MAN1A1: variants seen among roughly 807,000 people sequenced by gnomAD.
The protein encoded by MAN1A1 is mannosidase alpha class 1A member 1, also known as mannosyl-oligosaccharide 1,2-alpha-mannosidase IA.
MAN1A1 carries 29 observed loss-of-function variants against 70.8 expected under a neutral mutation model. That is an observed-to-expected ratio of 0.41 (90% CI 0.31 to 0.56). The LOEUF (loss-of-function observed/expected upper bound fraction) is 0.56. MAN1A1 is among the 20% of genes least tolerant of loss of function. MAN1A1 has a pLI of 0.29. For synonymous variants in MAN1A1, 349 were observed against 330.1 expected (o/e 1.06, Z -0.62); for missense variants, 747 against 841.3 (o/e 0.89, Z 1.39).
chr6:119,250,440 A>G (rs1474049791), intron 5 of MAN1A1, among the ~76,000 whole-genome samples: 1 of 152,212 alleles, frequency 6.6e-6, no homozygotes, highest in African/African-American at 2.4e-5. Flanking sequence ...TACAATGGAG[A>G]TAACAACAGC....
intron 6 of MAN1A1, among the ~76,000 whole-genome samples, chr6:119,225,042 G>T (rs1219150017): frequency 6.6e-6 from 1 of 152,046 alleles, no homozygotes; most frequent in Non-Finnish European, 1.5e-5. Context: ...CAGGAGAACT[G>T]CTTGAACCCG....
intron 6 of MAN1A1, among the ~76,000 whole-genome samples, chr6:119,242,522 C>G (rs573483707): frequency 6.6e-6 from 1 of 152,074 alleles, no homozygotes; most frequent in South Asian, 2.1e-4. Context: ...ATGATGTCCA[C>G]GAAAGGACAT....
Position 119,232,317 on chromosome 6 carries a change from G to A in MAN1A1, c.992+15943C>T, listed in dbSNP as rs140286981. Among the ~76,000 whole-genome samples, 110 of 147,112 alleles carry A rather than the reference G, an allele frequency of 7.5e-4. 2 individuals carry two copies. In the East Asian group the frequency reaches 0.021, roughly 29 times the overall value. On this transcript the variant is annotated intron_variant, in intron 6 of 12. Transcript: ENST00000368468. ...GAACCTGGGAGGTGTAGCTTGCAGT[G>A]AGCCAAGATTACACCACTGCACTCC...
chr6:119,283,729 A>G (rs1352627048), intron 5 of MAN1A1, among the ~76,000 whole-genome samples: 1 of 152,148 alleles, frequency 6.6e-6, no homozygotes, highest in Admixed American at 6.5e-5. Flanking sequence ...GGTCTGTTAT[A>G]CAGTGGAAGG....
chr6:119,347,386 G>T (rs1285282243), intron 2 of MAN1A1, among the ~76,000 whole-genome samples: 1 of 152,058 alleles, frequency 6.6e-6, no homozygotes, highest in Non-Finnish European at 1.5e-5. Flanking sequence ...TTCACAGATC[G>T]TATTATTTTT....
chr6:119,232,672 CAT>C lies in MAN1A1; in HGVS notation c.992+15586_992+15587del, dbSNP rs201602062. Among the ~76,000 whole-genome samples, 965 of 132,824 alleles carry C rather than the reference CAT, an allele frequency of 7.3e-3. 30 individuals carry two copies. In the East Asian group the frequency reaches 0.093, roughly 13 times the overall value. The allele number at this position is 132,824 out of a possible 152,430, so 87.1% of individuals were successfully genotyped here. On this transcript the variant is annotated intron_variant, in intron 6 of 12. Transcript: ENST00000368468. ...AAATTAATGAGATTTCATATATACA[CAT>C]ATATATGTGTGTGTGTGTGTGTGTG...
intron 9 of MAN1A1, 75 bp from the exon 10 acceptor site, chr6:119,189,958 A>G (rs1274539603): frequency 8.9e-7 from 1 of 1,129,744 alleles, no homozygotes; most frequent in Non-Finnish European, 1.3e-6. Context: ...CCAACATTAA[A>G]AAAAAAAGAA....
At chr6:119,255,268 C>T (rs1775428442) in intron 5 of MAN1A1, among the ~76,000 whole-genome samples, 1 of 152,210 alleles carries the variant, frequency 6.6e-6, no homozygotes, top group South Asian at 2.1e-4. Context: ...TTCAAATGCT[C>T]ATGTTGAAAA....
chr6:119,243,618 T>C (rs1208209447), intron 6 of MAN1A1, among the ~76,000 whole-genome samples: 2 of 152,110 alleles, frequency 1.3e-5, no homozygotes. Context: ...AGGATAATCT[T>C]TCACTATTAG....
chr6:119,217,069 A>C (rs1047618783), intron 6 of MAN1A1, among the ~76,000 whole-genome samples: 4 of 152,218 alleles, frequency 2.6e-5, no homozygotes, highest in African/African-American at 9.6e-5. Flanking sequence ...TTAAAATTTA[A>C]TAAACATTAC....
chr6:119,189,961 AAAAAG>A (rs1415802150), intron 9 of MAN1A1, 78 bp from the exon 10 acceptor site: 3 of 1,117,656 alleles, frequency 2.7e-6, no homozygotes, highest in Non-Finnish European at 3.9e-6. Flanking sequence ...ACATTAAAAA[AAAAAG>A]AATAGAATAC....
intron 4 of MAN1A1, among the ~76,000 whole-genome samples, chr6:119,291,686 T>G (rs1430304340): frequency 1.3e-5 from 2 of 152,030 alleles, no homozygotes; most frequent in Non-Finnish European, 1.5e-5. Context: ...ATTTGAAGTC[T>G]GAGGACCTGG....
intron 5 of MAN1A1, among the ~76,000 whole-genome samples, chr6:119,251,158 T>C (rs1250060742): frequency 6.6e-6 from 1 of 152,218 alleles, no homozygotes; most frequent in Non-Finnish European, 1.5e-5. Context: ...CTTGTTTCCT[T>C]ATTTCCATTA....
chr6:119,299,746 C>T (rs1310692831), intron 4 of MAN1A1, among the ~76,000 whole-genome samples: 1 of 152,146 alleles, frequency 6.6e-6, no homozygotes, highest in East Asian at 1.9e-4. Flanking sequence ...TTTCCTTCTC[C>T]CAAGTCTCCA....
Position 119,348,951 on chromosome 6 carries a change from T to A in MAN1A1, c.115A>T (p.Thr39Ser), listed in dbSNP as rs750352489. The change falls in exon 2 of 13, where the codon ACG (threonine) becomes TCG (serine). Residue 39 changes from threonine to serine, a missense_variant. By Grantham distance (58) the Thr-to-Ser change is moderately conservative (BLOSUM62 1). Around this residue, in one of 2 missense-constraint regions of MAN1A1, gnomAD observed 328 missense variants for 293.1 expected, o/e 1.12. Coordinates refer to ENST00000368468, the MANE Select transcript of MAN1A1 (RefSeq NM_005907.4). The part of the protein sequence containing the change: ...KGSGPAALRL[T>S]EKFVLLLVFS... ...ACCAGCAGCAGCACGAACTTCTCCGTCAGGCGGAGGGCGGCGGGGCCCGAC... is the reference window on the plus strand; with the variant it reads ...ACCAGCAGCAGCACGAACTTCTCCGACAGGCGGAGGGCGGCGGGGCCCGAC... 3.3e-6 allele frequency: 5 copies of A among 1,529,644 alleles called. No homozygotes were observed. The African/African-American group carries it at 4.3e-5, about 13-fold the overall frequency. 94.8% of individuals were successfully genotyped at this position (1,529,644 alleles called of 1,614,324 possible).
chr6:119,319,923 T>C (rs1772962498), intron 2 of MAN1A1, among the ~76,000 whole-genome samples: 1 of 152,098 alleles, frequency 6.6e-6, no homozygotes, highest in Admixed American at 6.6e-5. Context: ...GCTGTCGCAG[T>C]GGTTGTTCTG....
At chr6:119,181,659 C>T (rs1562179772) in intron 11 of MAN1A1, among the ~76,000 whole-genome samples, 1 of 152,128 alleles carries the variant, frequency 6.6e-6, no homozygotes, top group Non-Finnish European at 1.5e-5. Flanking sequence ...AAGATGGCTG[C>T]TGTTTGTGTT....
At chr6:119,198,497 A>G (rs944909145) in intron 8 of MAN1A1, among the ~76,000 whole-genome samples, 27 of 152,210 alleles carry the variant, frequency 1.8e-4, no homozygotes, top group African/African-American at 6.5e-4. Context: ...AGAAATGGAC[A>G]CCCCAAATAA....
At chr6:119,313,194 C>T (rs534196646) in intron 2 of MAN1A1, among the ~76,000 whole-genome samples, 6 of 152,168 alleles carry the variant, frequency 3.9e-5, no homozygotes, top group Non-Finnish European at 7.4e-5. Flanking sequence ...GATGTGACTC[C>T]GCCTTCACAA....
Sources: allele counts gnomAD v4.1 joint callset (sites outside exome capture counted in the v4.1 genomes callset), GRCh38; gene constraint gnomAD v4.1.1; regional missense constraint gnomAD v4.1.1; transcripts MANE v1.5; gene names NCBI Gene and HGNC (gene_info 2026-07-23, HGNC 2026-07-21).